The following TRDN variants were observed in gnomAD, a reference collection of about 807,000 sequenced individuals.
TRDN encodes triadin.
In TRDN, 161 loss-of-function variants were observed where a neutral mutation model predicts 149.7. That is an observed-to-expected ratio of 1.08 (90% CI 0.95 to 1.23). The LOEUF (loss-of-function observed/expected upper bound fraction) is 1.23. Among genes scored for constraint, TRDN ranks in the 50% most tolerant of loss-of-function variants. The pLI, the probability that TRDN is intolerant of heterozygous loss-of-function variation, is 0.00. For synonymous variants in TRDN, 294 were observed against 250.5 expected (o/e 1.17, Z -1.64); for missense variants, 896 against 823.5 (o/e 1.09, Z -1.08).
chr6:123,305,971 G>C (rs561708323), intron 24 of TRDN, among the ~76,000 whole-genome samples: 1 of 152,232 alleles, frequency 6.6e-6, no homozygotes, highest in South Asian at 2.1e-4. Flanking sequence ...TAGACTTTTA[G>C]ATATGTTTTG....
Position 123,489,065 on chromosome 6 carries a change from C to A in TRDN, c.853+8128G>T, listed in dbSNP as rs549956701. The A allele has an allele frequency of 5.3e-5, 8 of 152,184 alleles. No individual in the cohort carries two copies. The South Asian group carries it at 1.4e-3, about 28-fold the overall frequency. 9.4% of individuals were successfully genotyped at this position (152,184 alleles called of 1,614,324 possible). On this transcript the variant is annotated intron_variant, in intron 9 of 40. Coordinates refer to ENST00000334268, the MANE Select transcript of TRDN (RefSeq NM_006073.4). ...GTGATTCTGTGCTTTAATATTATCACCTTAGCCTTGTATATTTTTATTCTA... is the reference window on the plus strand; with the variant it reads ...GTGATTCTGTGCTTTAATATTATCAACTTAGCCTTGTATATTTTTATTCTA...
At chr6:123,536,324 C>A (rs567359746) in intron 4 of TRDN, among the ~76,000 whole-genome samples, 1 of 152,054 alleles carries the variant, frequency 6.6e-6, no homozygotes, top group Non-Finnish European at 1.5e-5. Context: ...AAATATTCAA[C>A]CATGATTATG....
chr6:123,287,010 G>A (rs1777826539), intron 24 of TRDN, among the ~76,000 whole-genome samples: 1 of 152,058 alleles, frequency 6.6e-6, no homozygotes, highest in African/African-American at 2.4e-5. Flanking sequence ...GCTCTGAAGG[G>A]ATAAAATCAT....
At chr6:123,277,754 C>T (rs1056125707) in intron 26 of TRDN, among the ~76,000 whole-genome samples, 1 of 152,196 alleles carries the variant, frequency 6.6e-6, no homozygotes, top group South Asian at 2.1e-4. Context: ...GACATCTACT[C>T]TCCAGAACTG....
intron 12 of TRDN, among the ~76,000 whole-genome samples, chr6:123,410,140 G>A (rs9388238): frequency 0.19 from 28,838 of 152,124 alleles, 3,800 homozygotes; most frequent in East Asian, 0.64. Context: ...CAGACATGCC[G>A]TCAGTGAAAT....
rs1382442409 is a variant in TRDN at position 123,464,999 on chromosome 6, G to A, written c.854-16C>T. ...GGGCTTTGTCCTACACAATGTAGAA[G>A]TAGGAATTGGAAAAAAAAAAGTATT... On this transcript the variant is annotated splice_polypyrimidine_tract_variant and intron_variant, in intron 9 of 40. Transcript: ENST00000334268. The A allele has an allele frequency of 6.4e-7, 1 of 1,563,216 alleles. No individual in the cohort carries two copies. The highest frequency in any genetic ancestry group is 2.3e-5 in the East Asian group (1 of 43,126).
rs866356330 is a variant in TRDN, at chr6:123,443,308, T to G, written c.932-4305A>C. Among the ~76,000 whole-genome samples the G allele has an allele frequency of 4.0e-5, 6 of 151,356 alleles. No homozygotes were observed. The Middle Eastern group carries it at 0.014, about 346-fold the overall frequency. ...AAAAAAGAAAGCTTTGTTTTGAAAA[T>G]TAAAGCCTGAGACCATAGGAGGTGG... is the stretch of plus-strand genomic sequence containing the variant. On this transcript the variant is annotated intron_variant, in intron 10 of 40. Coordinates refer to ENST00000334268, the MANE Select transcript of TRDN (RefSeq NM_006073.4).
intron 16 of TRDN, among the ~76,000 whole-genome samples, chr6:123,379,329 CA>C (rs1006757258): frequency 6.6e-6 from 1 of 151,802 alleles, no homozygotes; most frequent in Non-Finnish European, 1.5e-5. Flanking sequence ...AGCAGCAAAA[CA>C]AAAAAATGAA....
rs550375753 is a variant in TRDN, at chr6:123,558,752, T to C, written c.233-10140A>G. On this transcript the variant is annotated intron_variant, in intron 2 of 40. Transcript: ENST00000334268. ...ACCTCACCTTCAAGGTGTACAATGA[T>C]AGAGTAGAGGCAGCCAAGTAGCAAT... 5.9e-5 allele frequency among the ~76,000 whole-genome samples: 9 copies of C among 152,292 alleles called. No homozygotes were observed. In the East Asian group the frequency reaches 1.4e-3, roughly 23 times the overall value.
rs1777450681 is a variant in TRDN, at chr6:123,278,312, A to G, written c.1567+6T>C. ...TCATATATGTGTATAAATAAAATATACATACCTGGCTTCTCTTCCTTTTTT... is the reference window on the plus strand; with the variant it reads ...TCATATATGTGTATAAATAAAATATGCATACCTGGCTTCTCTTCCTTTTTT... On this transcript the variant is annotated splice_donor_region_variant and intron_variant, in intron 26 of 40. Transcript: ENST00000334268. 2 of 1,290,794 alleles carry G rather than the reference A, an allele frequency of 1.5e-6. No homozygotes were observed. Among genetic ancestry groups the G allele is most frequent in the South Asian group, 1.4e-5 (1 of 70,350 alleles). The allele number at this position is 1,290,794 out of a possible 1,614,324, so 80.0% of individuals were successfully genotyped here. A position where few individuals can be genotyped will look rare whatever the true frequency, so the allele number is the denominator to read the frequency against.
At chr6:123,354,308 T>C (rs965249605) in intron 20 of TRDN, among the ~76,000 whole-genome samples, 1 of 151,980 alleles carries the variant, frequency 6.6e-6, no homozygotes, top group East Asian at 1.9e-4. Flanking sequence ...AAAATGCAGA[T>C]AATGCTACAA....
chr6:123,279,372 T>C (rs904257153), intron 24 of TRDN, among the ~76,000 whole-genome samples: 24 of 152,148 alleles, frequency 1.6e-4, no homozygotes, highest in Non-Finnish European at 2.8e-4. Flanking sequence ...TAGATAATAA[T>C]GTAAATAAAT....
chr6:123,222,880 C>T (rs1421656059), intron 39 of TRDN, among the ~76,000 whole-genome samples: 1 of 151,656 alleles, frequency 6.6e-6, no homozygotes, highest in Non-Finnish European at 1.5e-5. Flanking sequence ...ATTCAATCAA[C>T]AAGCGTATGA....
At chr6:123,310,938 C>G (rs374106953) in intron 24 of TRDN, among the ~76,000 whole-genome samples, 1 of 151,852 alleles carries the variant, frequency 6.6e-6, no homozygotes, top group Non-Finnish European at 1.5e-5. Flanking sequence ...GGTTTATGAC[C>G]AGGACTGACT....
intron 19 of TRDN, among the ~76,000 whole-genome samples, chr6:123,367,133 T>C (rs1781133933): frequency 6.6e-6 from 1 of 152,124 alleles, no homozygotes; most frequent in South Asian, 2.1e-4. Flanking sequence ...CTGTTGGGGC[T>C]AGGACAGAGT....
intron 21 of TRDN, 56 bp downstream of exon 21, chr6:123,352,483 C>T (rs17736964): frequency 0.035 from 55,603 of 1,599,226 alleles, 1,117 homozygotes; most frequent in Non-Finnish European, 0.041. Flanking sequence ...TGCTTTCCTC[C>T]GCATGTTGTT....
At chr6:123,465,625 GA>G (rs1216261466) in intron 9 of TRDN, among the ~76,000 whole-genome samples, 2 of 106,082 alleles carry the variant, frequency 1.9e-5, no homozygotes, top group African/African-American at 3.4e-5. Context: ...GAGAAAGAAA[GA>G]AAACCCACAA....
chr6:123,423,587 ATTTAGT>A (rs1209890553), intron 12 of TRDN, among the ~76,000 whole-genome samples: 1 of 152,160 alleles, frequency 6.6e-6, no homozygotes, highest in East Asian at 1.9e-4. Context: ...AGTAATAAAC[ATTTAGT>A]TTGAAAATTA....
At chr6:123,453,229 A>C (rs1775895946) in intron 10 of TRDN, among the ~76,000 whole-genome samples, 1 of 152,210 alleles carries the variant, frequency 6.6e-6, no homozygotes, top group South Asian at 2.1e-4. Flanking sequence ...CCAAAAGCAA[A>C]TGCAATAAAA....
Sources: allele counts gnomAD v4.1 joint callset (sites outside exome capture counted in the v4.1 genomes callset), GRCh38; gene constraint gnomAD v4.1.1; transcripts MANE v1.5; gene names NCBI Gene and HGNC (gene_info 2026-07-23, HGNC 2026-07-21).